ADCY2: variants seen among roughly 807,000 people sequenced by gnomAD.
The protein encoded by ADCY2 is adenylate cyclase 2.
Under a neutral mutation model 125.2 loss-of-function variants are expected in ADCY2, and 31 were observed. The observed-to-expected ratio is 0.25, with a 90% CI of 0.19 to 0.33. The LOEUF is 0.33. ADCY2 is among the 10% of genes least tolerant of loss of function. The probability of loss-of-function intolerance (pLI) is 1.00; values close to 1 mark genes in which losing one functional copy is unlikely to be tolerated. For missense variants in ADCY2, 904 were observed against 1,418.2 expected (o/e 0.64, Z 5.82); for synonymous variants, 512 against 548.4 (o/e 0.93, Z 0.93).
rs1744624880 is a variant in ADCY2, at chr5:7,802,414, A to G, written c.2775+50A>G. The G allele has an allele frequency of 6.3e-7, 1 of 1,585,874 alleles. No individual in the cohort carries two copies. The highest frequency in any genetic ancestry group is 8.6e-7 in the Non-Finnish European group (1 of 1,165,224). ...AGGGCAGCAGTACACTCAGTCTCACACCTGTGCACTTGAAGTTACTTCAGG... is the reference window on the plus strand; with the variant it reads ...AGGGCAGCAGTACACTCAGTCTCACGCCTGTGCACTTGAAGTTACTTCAGG... On this transcript the variant is annotated intron_variant, in intron 21 of 24. Coordinates refer to ENST00000338316, the MANE Select transcript of ADCY2 (RefSeq NM_020546.3). The surrounding 1 kb of genome is among the most constrained non-coding windows in gnomAD (Gnocchi z 4.6).
chr5:7,480,133 A>G (rs1482910134), intron 2 of ADCY2, among the ~76,000 whole-genome samples: 2 of 152,200 alleles, frequency 1.3e-5, no homozygotes, highest in Non-Finnish European at 2.9e-5. Context: ...GCAAGTTTAC[A>G]GAGAAAAAAG....
chr5:7,447,608 AG>A (rs1741316107), intron 2 of ADCY2, among the ~76,000 whole-genome samples: 1 of 152,158 alleles, frequency 6.6e-6, no homozygotes, highest in Non-Finnish European at 1.5e-5. Flanking sequence ...TCACTCCCAC[AG>A]CCTGCAGCTG....
chr5:7,728,410 G>A (rs968243162), intron 14 of ADCY2, among the ~76,000 whole-genome samples: 26 of 152,198 alleles, frequency 1.7e-4, no homozygotes, highest in Non-Finnish European at 3.4e-4. Flanking sequence ...GTGCTCCCTT[G>A]TGGAAGGGGT....
In ADCY2 at chr5:7,737,006, C is replaced by CT. The variant is rs964549802; in HGVS notation, c.1872-6653dup. On this transcript the variant is annotated intron_variant, in intron 14 of 24. Coordinates refer to ENST00000338316, the MANE Select transcript of ADCY2 (RefSeq NM_020546.3). The stretch of plus-strand genomic sequence containing the variant: ...TAATGATAAATACTTCAAGTAAAAA[C>CT]TTTTTTTTTGCTATTTTCAAAAGAA... 2.6e-3 allele frequency among the ~76,000 whole-genome samples: 394 copies of CT among 151,228 alleles called. 3 individuals carry two copies. Among genetic ancestry groups the CT allele is most frequent in the African/African-American group, 9.1e-3 (377 of 41,222 alleles).
intron 16 of ADCY2, among the ~76,000 whole-genome samples, chr5:7,761,113 ATGTG>A (rs945937940): frequency 7.6e-6 from 1 of 131,388 alleles, no homozygotes; most frequent in African/African-American, 2.9e-5. Flanking sequence ...TCCATTGTGT[ATGTG>A]TGTGTATCAA....
intron 3 of ADCY2, among the ~76,000 whole-genome samples, chr5:7,623,303 A>G (rs1015043947): frequency 1.3e-5 from 2 of 152,220 alleles, no homozygotes; most frequent in Admixed American, 6.5e-5. Context: ...TATTTCAGCC[A>G]CACCTAATAA....
chr5:7,557,356 C>T (rs1735558710), intron 3 of ADCY2, among the ~76,000 whole-genome samples: 1 of 152,122 alleles, frequency 6.6e-6, no homozygotes, highest in East Asian at 1.9e-4. Context: ...GAAATAGCCT[C>T]ACAACATGTT....
intron 1 of ADCY2, among the ~76,000 whole-genome samples, chr5:7,403,914 T>C (rs1739365402): frequency 6.6e-6 from 1 of 151,126 alleles, no homozygotes; most frequent in Non-Finnish European, 1.5e-5. Context: ...TTTTGTTTTG[T>C]TTTGTTTTTA....
intron 18 of ADCY2, among the ~76,000 whole-genome samples, chr5:7,780,260 T>C (rs1743875133): frequency 6.6e-6 from 1 of 152,262 alleles, no homozygotes. Context: ...TGTTGTCTTC[T>C]GGCTCTGTGA....
intron 3 of ADCY2, among the ~76,000 whole-genome samples, chr5:7,529,031 A>G (rs1402836143): frequency 1.3e-5 from 2 of 152,214 alleles, no homozygotes; most frequent in Non-Finnish European, 2.9e-5. Context: ...AGAATCATAT[A>G]TCTGTAGCTT....
intron 4 of ADCY2, among the ~76,000 whole-genome samples, chr5:7,674,821 G>C (rs965320332): frequency 3.3e-5 from 5 of 152,110 alleles, no homozygotes; most frequent in Admixed American, 6.5e-5. Flanking sequence ...TTTTTGTGTC[G>C]TGGCTGTAGT....
chr5:7,696,956 T>C (rs1740914041), intron 6 of ADCY2, among the ~76,000 whole-genome samples: 1 of 152,200 alleles, frequency 6.6e-6, no homozygotes, highest in Non-Finnish European at 1.5e-5. Context: ...AATGATGCCT[T>C]AAAAGTTTGA....
intron 3 of ADCY2, among the ~76,000 whole-genome samples, chr5:7,581,989 C>CA (rs1261540061): frequency 5.3e-5 from 8 of 151,934 alleles, no homozygotes; most frequent in Non-Finnish European, 1.0e-4. Flanking sequence ...ATGATATTTT[C>CA]AAAATAGGTA....
chr5:7,804,769 A>G, intron 22 of ADCY2, 77 bp downstream of exon 22: 2 of 1,011,742 alleles, frequency 2.0e-6, no homozygotes, highest in Non-Finnish European at 3.1e-6. Context: ...CAAAACAGCC[A>G]TGAAATGCCC....
intron 17 of ADCY2, among the ~76,000 whole-genome samples, chr5:7,768,999 G>T (rs914968695): frequency 6.6e-6 from 1 of 152,254 alleles, no homozygotes; most frequent in East Asian, 1.9e-4. Flanking sequence ...TGCCAAACAG[G>T]CGTCATTTCT....
At chr5:7,693,406 G>GTTTTTTGT (rs1740775017) in intron 5 of ADCY2, among the ~76,000 whole-genome samples, 9 of 58,648 alleles carry the variant, frequency 1.5e-4, no homozygotes, top group African/African-American at 4.5e-4. Flanking sequence ...ATTGCCTGCT[G>GTTTTTTGT]TTTTTTGTTT....
At chr5:7,824,776 G>A (rs1745412972) in intron 24 of ADCY2, among the ~76,000 whole-genome samples, 2 of 152,222 alleles carry the variant, frequency 1.3e-5, no homozygotes, top group African/African-American at 2.4e-5. Flanking sequence ...CCGCCCTTGA[G>A]ATCTGCGCAT....
intron 3 of ADCY2, among the ~76,000 whole-genome samples, chr5:7,600,815 G>A (rs1184902546): frequency 6.6e-6 from 1 of 152,134 alleles, no homozygotes; most frequent in African/African-American, 2.4e-5. Context: ...AAAATGGCAG[G>A]GTCTGGGGAG....
intron 4 of ADCY2, among the ~76,000 whole-genome samples, chr5:7,655,600 C>T (rs72710480): frequency 0.13 from 19,175 of 152,084 alleles, 1,305 homozygotes; most frequent in South Asian, 0.2. Context: ...ACACTGGGAG[C>T]GCAGTCTGCT....
Sources: allele counts gnomAD v4.1 joint callset (sites outside exome capture counted in the v4.1 genomes callset), GRCh38; gene constraint gnomAD v4.1.1; non-coding constraint Gnocchi (gnomAD v3.1); transcripts MANE v1.5; gene names NCBI Gene and HGNC (gene_info 2026-07-23, HGNC 2026-07-21).